Variants in MPP4 observed in about 807,000 individuals in gnomAD.
MPP4 encodes MAGUK p55 scaffold protein 4, also known as MAGUK p55 subfamily member 4.
A neutral mutation model predicts 98.3 loss-of-function variants in MPP4; 91 were observed. The observed-to-expected ratio is 0.93, with a 90% CI of 0.78 to 1.10. The LOEUF (loss-of-function observed/expected upper bound fraction) is 1.10, where lower values mean the gene tolerates loss of function less well. Ranked by LOEUF, MPP4 falls within the 50% of genes least tolerant of loss-of-function variation. The probability of loss-of-function intolerance (pLI) is 0.00; values close to 1 mark genes in which losing one functional copy is unlikely to be tolerated. For missense variants in MPP4, 744 were observed against 792.9 expected (o/e 0.94, Z 0.74); for synonymous variants, 261 against 271.8 (o/e 0.96, Z 0.39).
intron 5 of MPP4, among the ~76,000 whole-genome samples, chr2:201,687,029 A>G (rs1688858363): frequency 6.6e-6 from 1 of 152,234 alleles, no homozygotes; most frequent in South Asian, 2.1e-4. Context: ...TTGGATGGGC[A>G]ATAGCTTTGT....
Position 201,650,153 on chromosome 2 carries a change from G to A in MPP4, c.1394C>T (p.Thr465Ile), listed in dbSNP as rs2105911242. ...CCCATTCATTTCGTAACTCTTTTTA[G>A]TACGAGTAGTGTCTATCAGAAAAAG... is the stretch of plus-strand genomic sequence containing the variant. Reference protein sequence around the residue: ...FQSAVPHTTRTKKSYEMNGRE... With the variant: ...FQSAVPHTTRIKKSYEMNGRE... Residue 465 changes from threonine (T) to isoleucine (I), a missense_variant, in exon 19 of 22, where the codon ACT becomes ATT. Coordinates refer to ENST00000409474, the MANE Select transcript of MPP4 (RefSeq NM_033066.3). 1.3e-6 allele frequency: 2 copies of A among 1,569,688 alleles called. No homozygotes were observed. Among genetic ancestry groups the A allele is most frequent in the Non-Finnish European group, 1.7e-6 (2 of 1,155,344 alleles).
At chr2:201,657,355 G>T (rs754915255) in intron 16 of MPP4, among the ~76,000 whole-genome samples, 3 of 152,158 alleles carry the variant, frequency 2.0e-5, no homozygotes, top group Non-Finnish European at 2.9e-5. Context: ...GAATCATAGG[G>T]CTTTCTGGTA....
At chr2:201,676,770 C>T (rs189220893) in intron 10 of MPP4, among the ~76,000 whole-genome samples, 27 of 152,116 alleles carry the variant, frequency 1.8e-4, no homozygotes, top group Middle Eastern at 3.4e-3. Context: ...CGTGGTGGTG[C>T]GCACCTGGAG....
intron 9 of MPP4, 94 bp from the exon 10 acceptor site, chr2:201,681,128 T>C: frequency 1.6e-6 from 2 of 1,266,490 alleles, no homozygotes; most frequent in Non-Finnish European, 2.2e-6. Context: ...TAAAACCATT[T>C]CTCCCACTCC....
At chr2:201,664,133 A>T in intron 13 of MPP4, 32 bp from the exon 14 acceptor site, 1 of 1,529,116 alleles carries the variant, frequency 6.5e-7, no homozygotes, top group Non-Finnish European at 8.8e-7. Context: ...AAAATCAAAA[A>T]TGTTATTACA....
At chr2:201,673,586 A>T (rs1688406816) in intron 11 of MPP4, 1 of 199,640 alleles carries the variant, frequency 5.0e-6, no homozygotes, top group African/African-American at 2.4e-5. Flanking sequence ...AGAAAAAAAA[A>T]GATGTTAAGT....
intron 1 of MPP4, among the ~76,000 whole-genome samples, chr2:201,697,082 C>A (rs187399334): frequency 6.6e-6 from 1 of 152,198 alleles, no homozygotes; most frequent in African/African-American, 2.4e-5. Flanking sequence ...TGGGTAAGAG[C>A]CATCAGAGTT....
At chr2:201,692,101 G>A (rs1037244567) in intron 3 of MPP4, among the ~76,000 whole-genome samples, 16 of 152,172 alleles carry the variant, frequency 1.1e-4, no homozygotes, top group African/African-American at 3.6e-4. Flanking sequence ...CTTCCTAAGC[G>A]AAGAAGTTTG....
chr2:201,682,843 C>T lies in MPP4; in HGVS notation c.648G>A (p.Val216=), dbSNP rs1688703528. ...AAAGAAGATTTACCAGAATATGGAT[C>T]ACTTGTTCAGGGTCCAGTCCCTCAA... ...VSVEGLDPEQ[V]IHILAMSRGT... is the part of the protein sequence containing the mutation. The change falls in exon 8 of 22, where the codon GTG becomes GTA. Residue 216 remains valine (V), a synonymous_variant. Transcript: ENST00000409474. The T allele has an allele frequency of 2.5e-6, 4 of 1,613,774 alleles. No homozygotes were observed. The highest frequency in any genetic ancestry group is 1.6e-4 in the Middle Eastern group (1 of 6,082).
intron 14 of MPP4, chr2:201,661,389 G>A: frequency 2.2e-6 from 1 of 456,504 alleles, no homozygotes; most frequent in Non-Finnish European, 4.4e-6. Context: ...AAGCATCATG[G>A]AATGAATGCC....
intron 15 of MPP4, among the ~76,000 whole-genome samples, chr2:201,659,879 A>G (rs1255502311): frequency 6.6e-6 from 1 of 152,214 alleles, no homozygotes; most frequent in Non-Finnish European, 1.5e-5. Context: ...TGTTAATAGA[A>G]TGAACTGACA....
chr2:201,691,188 T>C (rs551898945), intron 3 of MPP4, among the ~76,000 whole-genome samples: 72 of 152,280 alleles, frequency 4.7e-4, no homozygotes, highest in Middle Eastern at 6.8e-3. Context: ...GCTGATCCTG[T>C]GGGAAAATGC....
chr2:201,652,369 G>C (rs929026477), intron 18 of MPP4, among the ~76,000 whole-genome samples: 2 of 152,054 alleles, frequency 1.3e-5, no homozygotes, highest in Non-Finnish European at 2.9e-5. Context: ...TGAGGCAGGA[G>C]AATCACTTGA....
intron 10 of MPP4, among the ~76,000 whole-genome samples, chr2:201,677,241 A>G (rs1688529706): frequency 6.6e-6 from 1 of 152,038 alleles, no homozygotes. Flanking sequence ...TTTCATTCTT[A>G]CAAAATGCTA....
Position 201,650,146 on chromosome 2 carries a change from CT to C in MPP4, c.1400del (p.Lys467ArgfsTer5). ...SAVPHTTRTK[K>X]SYEMNGREYH... ...ACTCACGCCCATTCATTTCGTAACTCTTTTTAGTACGAGTAGTGTCTATCAG... is the reference window on the plus strand; with the variant it reads ...ACTCACGCCCATTCATTTCGTAACTCTTTTAGTACGAGTAGTGTCTATCAG... On this transcript the variant is annotated frameshift_variant, in exon 19 of 22. Coordinates refer to ENST00000409474, the MANE Select transcript of MPP4 (RefSeq NM_033066.3). LOFTEE classifies it high-confidence loss of function. 6.4e-7 allele frequency: 1 copy of C among 1,573,294 alleles called. No homozygotes were observed. The highest frequency in any genetic ancestry group is 8.6e-7 in the Non-Finnish European group (1 of 1,157,218).
chr2:201,671,427 A>T (rs988038095), intron 11 of MPP4, among the ~76,000 whole-genome samples: 2 of 152,184 alleles, frequency 1.3e-5, no homozygotes, highest in African/African-American at 4.8e-5. Context: ...TAAATGGGCT[A>T]AATACCCCAA....
intron 3 of MPP4, among the ~76,000 whole-genome samples, chr2:201,692,631 A>C (rs1689068524): frequency 1.3e-5 from 2 of 151,934 alleles, no homozygotes; most frequent in African/African-American, 2.4e-5. Context: ...TAATGCCCTT[A>C]TACAAGAGAC....
chr2:201,688,243 G>A (rs1208642650), intron 4 of MPP4, among the ~76,000 whole-genome samples: 2 of 152,132 alleles, frequency 1.3e-5, no homozygotes, highest in African/African-American at 2.4e-5. Flanking sequence ...GAACACTACT[G>A]TGTGCTAGGA....
intron 4 of MPP4, among the ~76,000 whole-genome samples, chr2:201,689,687 C>T (rs1034534257): frequency 2.0e-5 from 3 of 152,054 alleles, no homozygotes; most frequent in Non-Finnish European, 4.4e-5. Context: ...AAGATTCTGG[C>T]CTGAGCACTG....
Sources: gnomAD v4.1 joint callset for allele counts (sites outside exome capture counted in the v4.1 genomes callset) on GRCh38, gnomAD v4.1.1 for gene constraint, MANE v1.5 for transcripts, NCBI Gene and HGNC (gene_info 2026-07-23, HGNC 2026-07-21) for gene names.